The following SARAF variants were observed in gnomAD, a reference collection of about 807,000 sequenced individuals.
SARAF encodes the protein store-operated calcium entry-associated regulatory factor.
Under a neutral mutation model 39.7 loss-of-function variants are expected in SARAF, and 23 were observed. The observed-to-expected ratio is 0.58, with a 90% CI of 0.42 to 0.82. The LOEUF (loss-of-function observed/expected upper bound fraction) is 0.82. Among genes scored for constraint, SARAF ranks in the 40% least tolerant of loss-of-function variants. The pLI is 0.00. For missense variants in SARAF, 384 were observed against 418.5 expected, an observed-to-expected ratio of 0.92 and a Z score of 0.72; for synonymous variants, 175 against 168.5, an observed-to-expected ratio of 1.04 and a Z score of -0.30.
chr8:30,070,150 C>G (rs1801804395), intron 2 of SARAF, 91 bp from the exon 3 acceptor site: 2 of 1,189,274 alleles, frequency 1.7e-6, no homozygotes, highest in South Asian at 3.0e-5. Flanking sequence ...TGGCTCACAC[C>G]TGTAATCTCA....
intron 2 of SARAF, among the ~76,000 whole-genome samples, chr8:30,070,968 T>TA (rs1431485414): frequency 2.6e-5 from 4 of 152,194 alleles, no homozygotes; most frequent in Admixed American, 6.5e-5. Context: ...GTCCACCTTA[T>TA]AAAAAAATAT....
At position 30,074,040 on chromosome 8, in the gene SARAF, C is replaced by G. The variant is rs200475229; in HGVS notation, c.119G>C (p.Arg40Pro). ...GTGGAGGGTAAGAGCTTTTACATCC[C>G]GCAGCAACATTCTGTCTGAAACAGC... ...GWNDPDRMLL[R>P]DVKALTLHYD... The change falls in exon 2 of 6, where the codon CGG (arginine) becomes CCG (proline). Residue 40 changes from arginine (R) to proline (P), a missense_variant. Coordinates refer to ENST00000256255, the MANE Select transcript of SARAF (RefSeq NM_016127.6). The G allele has an allele frequency of 1.9e-4, 314 of 1,613,184 alleles. No homozygotes were observed. The highest frequency in any genetic ancestry group is 2.6e-4 in the Non-Finnish European group (302 of 1,179,544).
intron 1 of SARAF, among the ~76,000 whole-genome samples, chr8:30,076,614 C>G (rs1371599071): frequency 6.6e-6 from 1 of 152,218 alleles, no homozygotes; most frequent in Non-Finnish European, 1.5e-5. Flanking sequence ...ATGTTGGAAA[C>G]TTAATCCCCA....
At chr8:30,075,991 C>CAAAAAAAAACAATATA (rs1801953220) in intron 1 of SARAF, among the ~76,000 whole-genome samples, 1 of 30,970 alleles carries the variant, frequency 3.2e-5, no homozygotes, top group Non-Finnish European at 7.3e-5. Flanking sequence ...TAAAAAAAAA[C>CAAAAAAAAACAATATA]AAAAAAAAAA....
intron 5 of SARAF, among the ~76,000 whole-genome samples, chr8:30,064,534 CATAT>C (rs71204255): frequency 3.7e-4 from 29 of 78,214 alleles, no homozygotes; most frequent in East Asian, 1.4e-3. Flanking sequence ...CTTACCTAGC[CATAT>C]ATATATATAT....
chr8:30,069,539 C>T (rs1281299602), intron 3 of SARAF, 103 bp downstream of exon 3: 32 of 1,206,436 alleles, frequency 2.7e-5, no homozygotes, highest in Non-Finnish European at 3.6e-5. Context: ...GAAGACAAAC[C>T]TCCTTTGGTT....
chr8:30,078,139 CAAAA>C (rs71204258), intron 1 of SARAF: 1 of 210,600 alleles, frequency 4.7e-6, no homozygotes, highest in Admixed American at 8.1e-5. Context: ...GACTCCGTCT[CAAAA>C]AAAAAAAAAA....
At chr8:30,076,511 T>G (rs2117439489) in intron 1 of SARAF, among the ~76,000 whole-genome samples, 1 of 152,348 alleles carries the variant, frequency 6.6e-6, no homozygotes, top group South Asian at 2.1e-4. Context: ...AGCTTTTTGG[T>G]TCCCCAGAAT....
In SARAF at chr8:30,082,967, G is replaced by A; in HGVS notation, c.-18C>T. 6.5e-7 allele frequency: 1 copy of A among 1,535,036 alleles called. No homozygotes were observed. Among genetic ancestry groups the A allele is most frequent in the Non-Finnish European group, 8.8e-7 (1 of 1,140,032 alleles). ...GCGGCCATGGCGCTCGATGAAGATG[G>A]CGCCGGGCTGCCAGACGCCTACGGG... On this transcript the variant is annotated 5_prime_UTR_variant, in exon 1 of 6. Transcript: ENST00000256255.
At chr8:30,066,241 T>C (rs1212774634) in intron 4 of SARAF, 102 bp from the exon 5 acceptor site, 2 of 1,218,074 alleles carry the variant, frequency 1.6e-6, no homozygotes, top group Admixed American at 2.6e-5. Flanking sequence ...CTTTATCAAG[T>C]ATTTTTTCCT....
At chr8:30,065,790 G>T (rs1399487525) in intron 5 of SARAF, 198 bp downstream of exon 5, 1 of 625,078 alleles carries the variant, frequency 1.6e-6, no homozygotes, top group Non-Finnish European at 2.8e-6. Flanking sequence ...CTATGGTAGA[G>T]CTAAGCCTAA....
At chr8:30,082,237 C>G (rs1313662575) in intron 1 of SARAF, 1 of 152,322 alleles carries the variant, frequency 6.6e-6, no homozygotes, top group Admixed American at 6.5e-5. Flanking sequence ...ACCGGTGAGG[C>G]CGAGGCAGGA....
At chr8:30,076,204 C>G (rs1414891734) in intron 1 of SARAF, among the ~76,000 whole-genome samples, 1 of 152,052 alleles carries the variant, frequency 6.6e-6, no homozygotes, top group Non-Finnish European at 1.5e-5. Context: ...GCATTGGGGA[C>G]CATCTGGCAT....
intron 1 of SARAF, chr8:30,078,242 A>T (rs776534738): frequency 1.5e-5 from 7 of 453,332 alleles, no homozygotes; most frequent in South Asian, 1.1e-4. Context: ...AAGTCCAAAA[A>T]TCCAACAAGG....
chr8:30,066,561 T>G (rs1281790642), intron 4 of SARAF, among the ~76,000 whole-genome samples: 1 of 152,168 alleles, frequency 6.6e-6, no homozygotes, highest in African/African-American at 2.4e-5. Flanking sequence ...ATAATATATA[T>G]GAAGGTGACA....
At chr8:30,064,713 C>T (rs532849426) in intron 5 of SARAF, among the ~76,000 whole-genome samples, 20 of 151,508 alleles carry the variant, frequency 1.3e-4, no homozygotes, top group Non-Finnish European at 1.8e-4. Context: ...CAGGCATGTG[C>T]CACTACACCC....
intron 5 of SARAF, 190 bp downstream of exon 5, chr8:30,065,798 T>C: frequency 1.5e-6 from 1 of 665,182 alleles, no homozygotes; most frequent in Non-Finnish European, 2.5e-6. Context: ...GAGCTAAGCC[T>C]AAATCAAATC....
intron 2 of SARAF, among the ~76,000 whole-genome samples, chr8:30,072,669 G>T (rs921771122): frequency 6.6e-6 from 1 of 152,086 alleles, no homozygotes; most frequent in Admixed American, 6.6e-5. Flanking sequence ...CTACTAAATG[G>T]CCTCTCTCCT....
intron 1 of SARAF, among the ~76,000 whole-genome samples, chr8:30,075,323 T>G (rs1801934260): frequency 6.6e-6 from 1 of 151,642 alleles, no homozygotes; most frequent in South Asian, 2.1e-4. Context: ...AAAATGAATT[T>G]CTATGCATTA....
Sources: gnomAD v4.1 joint callset for allele counts (sites outside exome capture counted in the v4.1 genomes callset) on GRCh38, gnomAD v4.1.1 for gene constraint, MANE v1.5 for transcripts, NCBI Gene and HGNC (gene_info 2026-07-23, HGNC 2026-07-21) for gene names.